LRMDA: variants seen among roughly 807,000 people sequenced by gnomAD.
The protein encoded by LRMDA is leucine rich melanocyte differentiation associated, also known as leucine-rich melanocyte differentiation-associated protein.
A neutral mutation model predicts 29.8 loss-of-function variants in LRMDA; 18 were observed. The ratio of observed to expected loss-of-function variants is 0.60; its 90% confidence interval spans 0.42 to 0.90. The LOEUF is 0.90. Ranked by LOEUF, LRMDA falls within the 40% of genes least tolerant of loss-of-function variation. The pLI is 0.00. For missense variants in LRMDA, 273 were observed against 273.9 expected (o/e 1.00, Z 0.02); for synonymous variants, 125 against 109.4 (o/e 1.14, Z -0.89).
rs375278343 is a variant in LRMDA, at chr10:75,493,684, C to T, written c.131+55190C>T. Among the ~76,000 whole-genome samples, 3 of 152,168 alleles carry T rather than the reference C, an allele frequency of 2.0e-5. No homozygotes were observed. In the South Asian group the frequency reaches 6.3e-4, roughly 32 times the overall value. ...GCTGTTGGGTAACTGCTGACTGTGG[C>T]CTTGGAATTACATGTGTGGTGAGAC... On this transcript the variant is annotated intron_variant, in intron 2 of 6. Coordinates refer to ENST00000611255, the MANE Select transcript of LRMDA (RefSeq NM_001305581.2).
At chr10:76,338,338 G>A (rs573256505) in intron 6 of LRMDA, among the ~76,000 whole-genome samples, 91 of 151,144 alleles carry the variant, frequency 6.0e-4, no homozygotes, top group South Asian at 1.0e-3. Context: ...TATTCCAGCC[G>A]GGGCAGCATA....
intron 2 of LRMDA, among the ~76,000 whole-genome samples, chr10:75,983,303 TA>T (rs1358001493): frequency 6.6e-6 from 1 of 152,230 alleles, no homozygotes; most frequent in Non-Finnish European, 1.5e-5. Context: ...TCACATTCAC[TA>T]ACTTGGAAAG....
chr10:76,032,890 A>T (rs1589296218), intron 2 of LRMDA, among the ~76,000 whole-genome samples: 1 of 151,944 alleles, frequency 6.6e-6, no homozygotes, highest in South Asian at 2.1e-4. Flanking sequence ...TCCACCGGGG[A>T]TCTGGTTTTG....
chr10:75,839,305 A>G (rs1844494567), intron 2 of LRMDA, among the ~76,000 whole-genome samples: 1 of 152,232 alleles, frequency 6.6e-6, no homozygotes. Flanking sequence ...GTGAATTTTC[A>G]CAGGCATCCT....
At chr10:76,202,119 T>C (rs1474356789) in intron 5 of LRMDA, among the ~76,000 whole-genome samples, 1 of 152,182 alleles carries the variant, frequency 6.6e-6, no homozygotes, top group African/African-American at 2.4e-5. Context: ...TTCTGTCACG[T>C]TGGCTACTTT....
intron 5 of LRMDA, among the ~76,000 whole-genome samples, chr10:76,155,295 G>T (rs1022713290): frequency 6.6e-6 from 1 of 152,012 alleles, no homozygotes; most frequent in South Asian, 2.1e-4. Context: ...GTGTTGCTAT[G>T]GGGCACCCTT....
At chr10:75,884,201 G>T (rs1370923246) in intron 2 of LRMDA, among the ~76,000 whole-genome samples, 1 of 149,548 alleles carries the variant, frequency 6.7e-6, no homozygotes, top group Non-Finnish European at 1.5e-5. Context: ...TTCAATGAAA[G>T]CTCCCCTCCA....
intron 6 of LRMDA, among the ~76,000 whole-genome samples, chr10:76,394,333 T>A (rs1841757998): frequency 1.3e-5 from 2 of 152,018 alleles, no homozygotes; most frequent in Non-Finnish European, 2.9e-5. Context: ...GAGGTAAGAG[T>A]CCAAATGTTC....
intron 2 of LRMDA, chr10:75,883,215 C>G (rs1845323759): frequency 6.6e-6 from 1 of 152,290 alleles, no homozygotes; most frequent in East Asian, 1.9e-4. Flanking sequence ...ACTCTCTGGG[C>G]AGAGTTCAGG....
In LRMDA at chr10:75,697,854, T is replaced by TGTGTGTGTGTGTGTGTGTGTGC. The variant is rs1443157627; in HGVS notation, c.131+259372_131+259373insGTGTGTGTGCGTGTGTGTGTGT. On this transcript the variant is annotated intron_variant, in intron 2 of 6. Transcript: ENST00000611255. ...GTAAGAGTGTGTGTGTGTGTGTGCGTGTGTGTGTGTGTCTCATTCGCGCTC... is the reference window on the plus strand; with the variant it reads ...GTAAGAGTGTGTGTGTGTGTGTGCGTGTGTGTGTGTGTGTGTGTGTGCGTGTGTGTGTGTCTCATTCGCGCTC... Among the ~76,000 whole-genome samples the TGTGTGTGTGTGTGTGTGTGTGC allele has an allele frequency of 5.1e-3, 770 of 151,544 alleles. 8 individuals carry two copies. The highest frequency in any genetic ancestry group is 0.018 in the African/African-American group (723 of 41,238).
Position 76,200,874 on chromosome 10 carries a change from C to T in LRMDA, c.517-123527C>T, listed in dbSNP as rs536588889. 3.6e-4 allele frequency among the ~76,000 whole-genome samples: 55 copies of T among 150,914 alleles called. 1 individual carries two copies. The highest frequency in any genetic ancestry group is 1.1e-3 in the African/African-American group (47 of 41,302). On this transcript the variant is annotated intron_variant, in intron 5 of 6. Coordinates refer to ENST00000611255, the MANE Select transcript of LRMDA (RefSeq NM_001305581.2). ...CTGGGATTACAGGTGCCTGCCACCACGCCCAGCTAATTTTTGTATTTCAGT... is the reference window on the plus strand; with the variant it reads ...CTGGGATTACAGGTGCCTGCCACCATGCCCAGCTAATTTTTGTATTTCAGT...
intron 6 of LRMDA, among the ~76,000 whole-genome samples, chr10:76,542,460 T>A (rs1395241066): frequency 3.3e-5 from 5 of 152,158 alleles, no homozygotes; most frequent in Non-Finnish European, 7.4e-5. Flanking sequence ...CGTGATGAGA[T>A]ATAACCCCTG....
Position 76,007,971 on chromosome 10 carries a change from G to T in LRMDA, c.132-28037G>T, listed in dbSNP as rs1301691342. Among the ~76,000 whole-genome samples, 6 of 152,226 alleles carry T rather than the reference G, an allele frequency of 3.9e-5. No individual in the cohort carries two copies. In the East Asian group the frequency reaches 1.2e-3, roughly 29 times the overall value. The stretch of plus-strand genomic sequence containing the variant: ...ATGACTTCATCGTCAGAGATGATGA[G>T]TGTTCCGAACTGTGGGGATACTTGG... On this transcript the variant is annotated intron_variant, in intron 2 of 6. Transcript: ENST00000611255.
chr10:76,122,635 G>A (rs1849809711), intron 5 of LRMDA, among the ~76,000 whole-genome samples: 1 of 152,164 alleles, frequency 6.6e-6, no homozygotes, highest in Non-Finnish European at 1.5e-5. Flanking sequence ...TGTTGCTGTT[G>A]CTGTTAACTT....
chr10:75,955,858 C>T (rs181780719), intron 2 of LRMDA, among the ~76,000 whole-genome samples: 26 of 152,150 alleles, frequency 1.7e-4, no homozygotes, highest in Non-Finnish European at 3.4e-4. Context: ...TCTTCCATGG[C>T]ATTTCAGAGA....
intron 2 of LRMDA, among the ~76,000 whole-genome samples, chr10:75,945,800 T>C (rs1040530107): frequency 6.6e-6 from 1 of 151,834 alleles, no homozygotes; most frequent in African/African-American, 2.4e-5. Context: ...ATCATGCCTA[T>C]GGGCTAAATA....
chr10:75,792,085 T>C (rs1366085334), intron 2 of LRMDA, among the ~76,000 whole-genome samples: 1 of 151,948 alleles, frequency 6.6e-6, no homozygotes, highest in Non-Finnish European at 1.5e-5. Context: ...GGTCTCCATC[T>C]CCTGACCTCG....
chr10:75,526,698 A>T (rs937255211), intron 2 of LRMDA, among the ~76,000 whole-genome samples: 3 of 151,990 alleles, frequency 2.0e-5, no homozygotes, highest in African/African-American at 4.8e-5. Context: ...CTAAAAAAAA[A>T]TTTAAAAATT....
intron 2 of LRMDA, among the ~76,000 whole-genome samples, chr10:75,587,289 G>A (rs1486181753): frequency 2.0e-5 from 3 of 152,120 alleles, no homozygotes; most frequent in Non-Finnish European, 4.4e-5. Context: ...GGTTGAAAAG[G>A]ATATTCACAA....
Sources: gnomAD v4.1 joint callset for allele counts (sites outside exome capture counted in the v4.1 genomes callset) on GRCh38, gnomAD v4.1.1 for gene constraint, MANE v1.5 for transcripts, NCBI Gene and HGNC (gene_info 2026-07-23, HGNC 2026-07-21) for gene names.